DHX15: variants seen among roughly 807,000 people sequenced by gnomAD.
DHX15 encodes ATP-dependent RNA helicase DHX15.
DHX15 carries 11 observed loss-of-function variants against 94.4 expected under a neutral mutation model. That is an observed-to-expected ratio of 0.12 (90% CI 0.07 to 0.19). The LOEUF is 0.19. DHX15 is among the 10% of genes least tolerant of loss of function. The pLI is 1.00. For synonymous variants in DHX15, 338 were observed against 329.9 expected (o/e 1.02, Z -0.27); for missense variants, 304 against 988.5 (o/e 0.31, Z 9.29).
In DHX15 at chr4:24,530,842, G is replaced by A. The variant is rs73093217; in HGVS notation, c.2101-1072C>T. On this transcript the variant is annotated intron_variant, in intron 12 of 13. Coordinates refer to ENST00000336812, the MANE Select transcript of DHX15 (RefSeq NM_001358.3). ...ATAGAAAAGAAACTCAATTTCATTCGAAATATTTACTAAACACCTATTAGG... is the reference window on the plus strand; with the variant it reads ...ATAGAAAAGAAACTCAATTTCATTCAAAATATTTACTAAACACCTATTAGG... 1.7e-3 allele frequency: 264 copies of A among 152,178 alleles called. 4 individuals are homozygous for A. Among genetic ancestry groups the A allele is most frequent in the African/African-American group, 5.8e-3 (241 of 41,508 alleles). The allele number at this position is 152,178 out of a possible 1,614,324, so 9.4% of individuals were successfully genotyped here.
chr4:24,547,916 T>TAG (rs1721473159), intron 6 of DHX15, among the ~76,000 whole-genome samples: 1 of 50,562 alleles, frequency 2.0e-5, no homozygotes, highest in Admixed American at 3.4e-4. Flanking sequence ...TATATATATA[T>TAG]ATATATATAT....
At chr4:24,563,421 C>T (rs1354282753) in intron 3 of DHX15, 2 of 152,186 alleles carry the variant, frequency 1.3e-5, no homozygotes, top group Non-Finnish European at 2.9e-5. Context: ...CCTCAGCCTC[C>T]CAAAGTATTG....
chr4:24,566,181 A>C (rs1265345388), intron 3 of DHX15, among the ~76,000 whole-genome samples: 1 of 152,028 alleles, frequency 6.6e-6, no homozygotes, highest in East Asian at 1.9e-4. Context: ...CTGGGACTAC[A>C]GGTACATACC....
At chr4:24,559,897 T>G (rs1464533479) in intron 3 of DHX15, among the ~76,000 whole-genome samples, 1 of 152,214 alleles carries the variant, frequency 6.6e-6, no homozygotes, top group African/African-American at 2.4e-5. Flanking sequence ...AACACTAGTC[T>G]AAATTAATCA....
chr4:24,536,459 T>C (rs1721200388), intron 11 of DHX15, among the ~76,000 whole-genome samples: 1 of 152,306 alleles, frequency 6.6e-6, no homozygotes, highest in East Asian at 1.9e-4. Flanking sequence ...CCCACTCCCA[T>C]ACAGCTAAGG....
At position 24,537,019 on chromosome 4, in the gene DHX15, A is replaced by C. The variant is rs1721212970; in HGVS notation, c.1909+32T>G. 21 of 1,604,496 alleles carry C rather than the reference A, an allele frequency of 1.3e-5. No individual in the cohort carries two copies. Among genetic ancestry groups the C allele is most frequent in the Non-Finnish European group, 1.7e-5 (20 of 1,174,662 alleles). On this transcript the variant is annotated intron_variant, in intron 11 of 13. Coordinates refer to ENST00000336812, the MANE Select transcript of DHX15 (RefSeq NM_001358.3). This position sits in a 1 kb window ranked among gnomAD's most constrained non-coding sequence, Gnocchi z 4.7. Reference sequence around the variant, plus strand: ...CTTATACACTGCAAGTGACATTTAGACAAGAGTGTCTCCAATCAAATTTAC... The same window carrying C: ...CTTATACACTGCAAGTGACATTTAGCCAAGAGTGTCTCCAATCAAATTTAC...
chr4:24,547,883 CTCTCTCTATG>C (rs1160553357), intron 6 of DHX15, among the ~76,000 whole-genome samples: 1,188 of 31,086 alleles, frequency 0.038, 71 homozygotes, highest in African/African-American at 0.12. Flanking sequence ...CTCTCTCTCT[CTCTCTCTATG>C]TATGTATGTG....
intron 5 of DHX15, among the ~76,000 whole-genome samples, chr4:24,549,693 C>T (rs538749533): frequency 6.6e-6 from 1 of 152,294 alleles, no homozygotes; most frequent in Non-Finnish European, 1.5e-5. Context: ...GCTCCCTAGG[C>T]TACAAACCTG....
Position 24,527,920 on chromosome 4 carries a change from G to A in DHX15, c.*4C>T, listed in dbSNP as rs751320731. The stretch of plus-strand genomic sequence containing the variant: ...CTCAATAACTTCAGTTCTAAGCACT[G>A]AATTCAGTACTGTGAATATTCCTTG... On this transcript the variant is annotated 3_prime_UTR_variant, in exon 14 of 14. Transcript: ENST00000336812. 1.5e-5 allele frequency: 24 copies of A among 1,598,510 alleles called. No individual in the cohort carries two copies. The highest frequency in any genetic ancestry group is 2.7e-5 in the African/African-American group (2 of 74,592).
intron 5 of DHX15, among the ~76,000 whole-genome samples, chr4:24,549,990 G>A (rs929339363): frequency 2.6e-5 from 4 of 151,018 alleles, no homozygotes; most frequent in African/African-American, 7.3e-5. Flanking sequence ...CTACTCGGGA[G>A]GCTGAGGCGG....
intron 6 of DHX15, among the ~76,000 whole-genome samples, chr4:24,547,903 GTATATATA>G (rs869194543): frequency 1.2e-3 from 84 of 70,724 alleles, no homozygotes; most frequent in South Asian, 5.9e-3. Flanking sequence ...GTATGTATGT[GTATATATA>G]TATATATATA....
At chr4:24,534,871 G>A (rs1175789800) in intron 11 of DHX15, among the ~76,000 whole-genome samples, 2 of 150,986 alleles carry the variant, frequency 1.3e-5, no homozygotes, top group Non-Finnish European at 2.9e-5. Flanking sequence ...AAAAGCTTTC[G>A]TGAAAATATT....
chr4:24,554,940 T>C lies in DHX15; in HGVS notation c.865A>G (p.Ile289Val). 1 of 1,611,742 alleles carries C rather than the reference T, an allele frequency of 6.2e-7. No homozygotes were observed. The highest frequency in any genetic ancestry group is 1.1e-5 in the South Asian group (1 of 91,006). Reference protein sequence around the residue: ...VVRQRSDLKVIVMSATLDAGK... With the variant: ...VVRQRSDLKVVVMSATLDAGK... ...GCATCTAGAGTAGCGCTCATAACTATAACCTGAAAGAAAACAGTAAATTAT... is the reference window on the plus strand; with the variant it reads ...GCATCTAGAGTAGCGCTCATAACTACAACCTGAAAGAAAACAGTAAATTAT... Residue 289 changes from isoleucine to valine, a missense_variant, in exon 5 of 14, where the codon ATA becomes GTA. Ile to Val is a conservative substitution (Grantham distance 29). Around this residue, in one of 9 missense-constraint regions of DHX15, gnomAD observed 29 missense variants for 181.6 expected, o/e 0.16. Coordinates refer to ENST00000336812, the MANE Select transcript of DHX15 (RefSeq NM_001358.3).
rs1175406192 is a variant in DHX15, at chr4:24,580,282, C to CTG, written c.72-3606_72-3605dup. Among the ~76,000 whole-genome samples the CTG allele has an allele frequency of 3.3e-5, 5 of 152,148 alleles. No individual in the cohort carries two copies. In the East Asian group the frequency reaches 9.7e-4, roughly 30 times the overall value. On this transcript the variant is annotated intron_variant, in intron 1 of 13. Coordinates refer to ENST00000336812, the MANE Select transcript of DHX15 (RefSeq NM_001358.3). Reference sequence around the variant, plus strand: ...AACTTAGCTAGGTGGGGTGGCACGCCTGTAGTCCCAGCTACCTGGGAGGCT... The same window carrying CTG: ...AACTTAGCTAGGTGGGGTGGCACGCCTGTGTAGTCCCAGCTACCTGGGAGGCT...
chr4:24,531,665 G>C (rs1721086520), intron 12 of DHX15, among the ~76,000 whole-genome samples: 1 of 152,036 alleles, frequency 6.6e-6, no homozygotes, highest in African/African-American at 2.4e-5. Flanking sequence ...GCTGCAGTGA[G>C]CCGTGATTGC....
At chr4:24,533,120 A>G in intron 11 of DHX15, 66 bp from the exon 12 acceptor site, 1 of 1,334,254 alleles carries the variant, frequency 7.5e-7, no homozygotes, top group Non-Finnish European at 1.1e-6. Context: ...ATGTTCTCTA[A>G]TTAAAAAAAT....
intron 6 of DHX15, among the ~76,000 whole-genome samples, chr4:24,547,935 A>AGATC (rs1721480101): frequency 2.4e-4 from 12 of 49,062 alleles, no homozygotes; most frequent in African/African-American, 9.2e-4. Context: ...ATATATATAT[A>AGATC]TATATATCTA....
At chr4:24,566,556 T>C (rs1433704500) in intron 3 of DHX15, among the ~76,000 whole-genome samples, 1 of 152,128 alleles carries the variant, frequency 6.6e-6, no homozygotes, top group East Asian at 1.9e-4. Flanking sequence ...CCGGGAGCAG[T>C]GGCTCACGCC....
In DHX15 at chr4:24,529,981, C is replaced by T. The variant is rs1331412934; in HGVS notation, c.2101-211G>A. On this transcript the variant is annotated intron_variant, in intron 12 of 13. Transcript: ENST00000336812. The stretch of plus-strand genomic sequence containing the variant: ...GCCTCTATTTGTAAGGTCTGTGAAT[C>T]CAAAATGGTTTATTTATCTTTAATT... The T allele has an allele frequency of 1.9e-5, 11 of 566,812 alleles. No homozygotes were observed. The East Asian group carries it at 3.0e-4, about 15-fold the overall frequency. 35.1% of individuals were successfully genotyped at this position (566,812 alleles called of 1,614,324 possible). A position where few individuals can be genotyped will look rare whatever the true frequency, so the allele number is the denominator to read the frequency against.
Sources: gnomAD v4.1 joint callset for allele counts (sites outside exome capture counted in the v4.1 genomes callset) on GRCh38, gnomAD v4.1.1 for gene constraint, gnomAD v4.1.1 regional missense constraint, Gnocchi (gnomAD v3.1) non-coding constraint, MANE v1.5 for transcripts, NCBI Gene and HGNC (gene_info 2026-07-23, HGNC 2026-07-21) for gene names.